ARSG: variants seen among roughly 807,000 people sequenced by gnomAD.
The protein encoded by ARSG is arylsulfatase G, also known as ASG.
Under a neutral mutation model 50.5 loss-of-function variants are expected in ARSG, and 37 were observed. The ratio of observed to expected loss-of-function variants is 0.73; its 90% confidence interval spans 0.56 to 0.96. ARSG has a LOEUF of 0.96. Ranked by LOEUF, ARSG falls within the 50% of genes least tolerant of loss-of-function variation. The probability of loss-of-function intolerance (pLI) is 0.00; values close to 1 mark genes in which losing one functional copy is unlikely to be tolerated. For missense variants in ARSG, 629 were observed against 675.3 expected, an observed-to-expected ratio of 0.93 and a Z score of 0.76; for synonymous variants, 225 against 254.6, an observed-to-expected ratio of 0.88 and a Z score of 1.11.
Position 68,410,310 on chromosome 17 carries a change from T to C in ARSG, c.1303+8860T>C, listed in dbSNP as rs563400130. Among the ~76,000 whole-genome samples, 54 of 142,388 alleles carry C rather than the reference T, an allele frequency of 3.8e-4. 1 individual carries two copies. The East Asian group carries it at 6.8e-3, about 18-fold the overall frequency. 93.4% of individuals were successfully genotyped at this position (142,388 alleles called of 152,430 possible). A position where few individuals can be genotyped will look rare whatever the true frequency, so the allele number is the denominator to read the frequency against. ...GAAATATGTCCCATCAATACCTAAT[T>C]TATTGAGAGTTTTTAGCATGAAGGG... is the stretch of plus-strand genomic sequence containing the variant. On this transcript the variant is annotated intron_variant, in intron 11 of 11. Coordinates refer to ENST00000621439, the MANE Select transcript of ARSG (RefSeq NM_001267727.2).
chr17:68,376,612 A>G (rs8075528), intron 8 of ARSG, among the ~76,000 whole-genome samples: 3,196 of 151,894 alleles, frequency 0.021, 111 homozygotes, highest in African/African-American at 0.071. Context: ...TTTAAAATAT[A>G]TATATTTATT....
intron 2 of ARSG, among the ~76,000 whole-genome samples, chr17:68,316,276 G>A (rs1184868278): frequency 6.6e-6 from 1 of 152,046 alleles, no homozygotes; most frequent in Non-Finnish European, 1.5e-5. Context: ...CTCCAACATT[G>A]CCTTCCTACC....
intron 11 of ARSG, among the ~76,000 whole-genome samples, chr17:68,418,931 T>C (rs2082567089): frequency 6.6e-6 from 1 of 152,116 alleles, no homozygotes; most frequent in African/African-American, 2.4e-5. Context: ...TTTTGAGGGC[T>C]ATCTTTTGCT....
chr17:68,288,279 C>T (rs924608597), upstream of ARSG, among the ~76,000 whole-genome samples: 7 of 152,096 alleles, frequency 4.6e-5, no homozygotes, highest in African/African-American at 1.4e-4. Flanking sequence ...GGATTACAGG[C>T]GTGAGCCACT....
At chr17:68,380,421 G>T (rs1389549442) in intron 8 of ARSG, among the ~76,000 whole-genome samples, 1 of 151,694 alleles carries the variant, frequency 6.6e-6, no homozygotes, top group Non-Finnish European at 1.5e-5. Context: ...ACCACACTTA[G>T]CTAATTATTT....
At chr17:68,300,952 A>C (rs540884476) in intron 1 of ARSG, among the ~76,000 whole-genome samples, 14 of 151,930 alleles carry the variant, frequency 9.2e-5, no homozygotes, top group Admixed American at 7.9e-4. Context: ...CCCCGTCTCT[A>C]CTAAAAATAC....
At chr17:68,260,286 GT>G (rs1407335946) in intron 1 of ARSG, among the ~76,000 whole-genome samples, 2 of 152,142 alleles carry the variant, frequency 1.3e-5, no homozygotes, top group African/African-American at 4.8e-5. Context: ...GTTATTCGTT[GT>G]TTTCACTGTG....
chr17:68,263,169 A>T (rs1274472256), intron 1 of ARSG, among the ~76,000 whole-genome samples: 1 of 152,154 alleles, frequency 6.6e-6, no homozygotes, highest in African/African-American at 2.4e-5. Flanking sequence ...GATTTGGGTG[A>T]GTTGTTACAT....
In ARSG at chr17:68,395,204, G is replaced by T. The variant is rs768559195; in HGVS notation, c.1212+11G>T. 6.2e-7 allele frequency: 1 copy of T among 1,613,612 alleles called. No individual in the cohort carries two copies. The highest frequency in any genetic ancestry group is 8.5e-7 in the Non-Finnish European group (1 of 1,179,774). On this transcript the variant is annotated intron_variant, in intron 10 of 11. Coordinates refer to ENST00000621439, the MANE Select transcript of ARSG (RefSeq NM_001267727.2). ...CAGCCTGGGCACAGGGTAAGTGGAGGAGGTACTTGCCCACATGTAGGCTCT... is the reference window on the plus strand; with the variant it reads ...CAGCCTGGGCACAGGGTAAGTGGAGTAGGTACTTGCCCACATGTAGGCTCT...
At chr17:68,433,460 G>A in the ARSG span, 3 of 1,613,148 alleles carry the variant, frequency 1.9e-6, no homozygotes, top group Non-Finnish European at 2.5e-6. Context: ...GCCCCGCGGA[G>A]TACTTGCCTG....
intron 2 of ARSG, among the ~76,000 whole-genome samples, chr17:68,308,183 G>A (rs1269860181): frequency 1.3e-5 from 2 of 152,132 alleles, no homozygotes; most frequent in African/African-American, 2.4e-5. Flanking sequence ...GCACGCTCCT[G>A]TGGTCTCAGC....
At chr17:68,376,915 A>G (rs2080179184) in intron 8 of ARSG, among the ~76,000 whole-genome samples, 2 of 151,166 alleles carry the variant, frequency 1.3e-5, no homozygotes, top group South Asian at 4.2e-4. Context: ...GCTGGAGTGC[A>G]GAGGTGCGAT....
intron 6 of ARSG, among the ~76,000 whole-genome samples, chr17:68,363,101 G>A (rs533107241): frequency 5.3e-5 from 8 of 152,294 alleles, no homozygotes; most frequent in African/African-American, 1.9e-4. Flanking sequence ...CAGGTTGTTT[G>A]TATCTTATTA....
At chr17:68,300,662 G>C (rs1555761479) in intron 1 of ARSG, among the ~76,000 whole-genome samples, 7 of 152,142 alleles carry the variant, frequency 4.6e-5, no homozygotes, top group Non-Finnish European at 1.0e-4. Flanking sequence ...TTAGATGCAT[G>C]GCGTGATGCC....
At chr17:68,293,651 G>A (rs1025768981) in intron 1 of ARSG, among the ~76,000 whole-genome samples, 2 of 152,122 alleles carry the variant, frequency 1.3e-5, no homozygotes, top group African/African-American at 4.8e-5. Context: ...GTAACCTTCT[G>A]TAGTTGACAC....
intron 9 of ARSG, among the ~76,000 whole-genome samples, chr17:68,387,556 T>C (rs768064443): frequency 6.6e-6 from 1 of 152,218 alleles, no homozygotes; most frequent in Non-Finnish European, 1.5e-5. Flanking sequence ...TCCTACTGCC[T>C]GGACAGGCTG....
chr17:68,265,140 G>A (rs2075131797), intron 1 of ARSG, among the ~76,000 whole-genome samples: 1 of 144,690 alleles, frequency 6.9e-6, no homozygotes, highest in Non-Finnish European at 1.5e-5. Flanking sequence ...GGCAACAAGG[G>A]TGAAACTCCA....
At chr17:68,354,898 G>A (rs535793672) in intron 5 of ARSG, among the ~76,000 whole-genome samples, 1 of 152,268 alleles carries the variant, frequency 6.6e-6, no homozygotes, top group East Asian at 1.9e-4. Context: ...TGTGGTTTTT[G>A]ACAATTATCC....
In ARSG at chr17:68,372,717, T is replaced by C. The variant is rs554654625; in HGVS notation, c.982+2193T>C. On this transcript the variant is annotated intron_variant, in intron 8 of 11. Coordinates refer to ENST00000621439, the MANE Select transcript of ARSG (RefSeq NM_001267727.2). Reference sequence around the variant, plus strand: ...CAGAGCCAAACCGTATCAGGCTGTTTTCCCTGCTGTCAAACTCAATCCTGA... The same window carrying C: ...CAGAGCCAAACCGTATCAGGCTGTTCTCCCTGCTGTCAAACTCAATCCTGA... Among the ~76,000 whole-genome samples, 5 of 152,182 alleles carry C rather than the reference T, an allele frequency of 3.3e-5. No homozygotes were observed. The South Asian group carries it at 1.0e-3, about 32-fold the overall frequency.
Sources: allele counts gnomAD v4.1 joint callset (sites outside exome capture counted in the v4.1 genomes callset), GRCh38; gene constraint gnomAD v4.1.1; transcripts MANE v1.5; gene names NCBI Gene and HGNC (gene_info 2026-07-23, HGNC 2026-07-21).